DPP6: variants seen among roughly 807,000 people sequenced by gnomAD.
The protein encoded by DPP6 is dipeptidyl peptidase like 6, also known as A-type potassium channel modulatory protein DPP6.
Under a neutral mutation model 122.6 loss-of-function variants are expected in DPP6, and 69 were observed. That is an observed-to-expected ratio of 0.56 (90% CI 0.46 to 0.69). The LOEUF is 0.69. Among genes scored for constraint, DPP6 ranks in the 30% least tolerant of loss-of-function variants. DPP6 has a pLI of 0.00. For missense variants in DPP6, 928 were observed against 1,116.9 expected, an observed-to-expected ratio of 0.83 and a Z score of 2.41; for synonymous variants, 418 against 433.1, an observed-to-expected ratio of 0.97 and a Z score of 0.43.
intron 5 of DPP6, among the ~76,000 whole-genome samples, chr7:154,574,382 GGTGT>G (rs1294590761): frequency 1.4e-5 from 2 of 142,860 alleles, no homozygotes; most frequent in African/African-American, 2.7e-5. Context: ...GTGTGTATGT[GGTGT>G]GTGTATGTGT....
intron 5 of DPP6, among the ~76,000 whole-genome samples, chr7:154,626,208 G>A (rs1486221386): frequency 6.6e-6 from 1 of 152,192 alleles, no homozygotes; most frequent in African/African-American, 2.4e-5. Context: ...AAGATGAGCT[G>A]AAGACACATA....
chr7:153,953,865 C>T (rs1463427262), intron 1 of DPP6, among the ~76,000 whole-genome samples: 2 of 152,216 alleles, frequency 1.3e-5, no homozygotes, highest in Non-Finnish European at 1.5e-5. Flanking sequence ...TTGCTCACCT[C>T]ATGGTGGTGC....
In DPP6 at chr7:154,001,620, C is replaced by T. The variant is rs576815979; in HGVS notation, c.51+113886C>T. On this transcript the variant is annotated intron_variant, in intron 1 of 25. Transcript: ENST00000404039. ...ATTGAGGGTTGTCAAAATGTTAAGG[C>T]ATATTAGGCCATCATGGAGCAAGGT... is the stretch of plus-strand genomic sequence containing the variant. Among the ~76,000 whole-genome samples, 425 of 152,170 alleles carry T rather than the reference C, an allele frequency of 2.8e-3. 4 individuals are homozygous for T. The highest frequency in any genetic ancestry group is 9.6e-3 in the African/African-American group (397 of 41,504).
At position 154,343,158 on chromosome 7, in the gene DPP6, G is replaced by A. The variant is rs114083086; in HGVS notation, c.244-103056G>A. On this transcript the variant is annotated intron_variant, in intron 1 of 25. Coordinates refer to ENST00000377770, the MANE Select transcript of DPP6 (RefSeq NM_130797.4). ...AAAGAGGAAGGGAACTGCTGCTTCC[G>A]TGTTCCCTGAGTGCCTTGTGTCATT... is the stretch of plus-strand genomic sequence containing the variant. 6.7e-3 allele frequency among the ~76,000 whole-genome samples: 1,025 copies of A among 152,320 alleles called. 10 individuals carry two copies. Among genetic ancestry groups the A allele is most frequent in the African/African-American group, 0.023 (948 of 41,572 alleles).
intron 1 of DPP6, among the ~76,000 whole-genome samples, chr7:154,144,577 T>C (rs1442209002): frequency 6.2e-5 from 9 of 145,610 alleles, no homozygotes; most frequent in African/African-American, 2.2e-4. Context: ...GGGGGGAGAG[T>C]CATTCAATGT....
At position 153,978,352 on chromosome 7, in the gene DPP6, C is replaced by T. The variant is rs985929980; in HGVS notation, c.51+90618C>T. Among the ~76,000 whole-genome samples the T allele has an allele frequency of 3.9e-4, 60 of 152,124 alleles. 1 individual carries two copies. Among genetic ancestry groups the T allele is most frequent in the South Asian group, 2.1e-4 (1 of 4,822 alleles). ...TGTTTGTTGGCTGCATAAATGTCTT[C>T]GTTTGAAAAGTGTCTGTTCATATCC... On this transcript the variant is annotated intron_variant, in intron 1 of 25. Coordinates refer to the DPP6 transcript ENST00000404039.
chr7:154,794,046 C>T, intron 10 of DPP6, 33 bp from the exon 11 acceptor site: 1 of 1,603,046 alleles, frequency 6.2e-7, no homozygotes, highest in Non-Finnish European at 8.5e-7. Context: ...GGGGGTCCTG[C>T]CAAGCTGCTC....
At chr7:153,953,470 G>T (rs1436000390) in intron 1 of DPP6, among the ~76,000 whole-genome samples, 1 of 152,160 alleles carries the variant, frequency 6.6e-6, no homozygotes. Flanking sequence ...GCTGTCTGTG[G>T]AATTCATGCA....
chr7:153,964,934 C>CTTTCTT (rs1795593474), intron 1 of DPP6, among the ~76,000 whole-genome samples: 2 of 109,866 alleles, frequency 1.8e-5, no homozygotes, highest in Admixed American at 1.8e-4. Context: ...TTCTTTCTTT[C>CTTTCTT]TTTCTTTTTC....
At chr7:153,844,386 T>A in the DPP6 span, among the ~76,000 whole-genome samples, 3 of 152,156 alleles carry the variant, frequency 2.0e-5, no homozygotes, top group Admixed American at 2.0e-4. Context: ...ATAGCACAAA[T>A]TATACACAGA....
chr7:153,932,568 T>G (rs1438523486), intron 1 of DPP6, among the ~76,000 whole-genome samples: 1 of 152,174 alleles, frequency 6.6e-6, no homozygotes, highest in East Asian at 1.9e-4. Context: ...TCTTCTCTCA[T>G]GTGTGGCAAG....
chr7:154,130,943 A>G lies in DPP6; in HGVS notation c.243+77880A>G, dbSNP rs561835795. Among the ~76,000 whole-genome samples the G allele has an allele frequency of 1.8e-3, 268 of 151,548 alleles. 2 individuals carry two copies. The highest frequency in any genetic ancestry group is 6.2e-3 in the African/African-American group (255 of 40,818). ...TTCAGAAACACATTGCTCATAGAGA[A>G]ATAAGTTTTTGCAGGTGTAGTGAGA... On this transcript the variant is annotated intron_variant, in intron 1 of 25. Coordinates refer to ENST00000377770, the MANE Select transcript of DPP6 (RefSeq NM_130797.4).
At chr7:153,794,945 C>T in the DPP6 span, among the ~76,000 whole-genome samples, 345 of 152,204 alleles carry the variant, frequency 2.3e-3, no homozygotes, top group African/African-American at 7.7e-3. Context: ...CTGAGGCCTC[C>T]CCAGCTATGT....
chr7:154,001,482 G>C (rs1392151673), intron 1 of DPP6, among the ~76,000 whole-genome samples: 1 of 148,454 alleles, frequency 6.7e-6, no homozygotes, highest in African/African-American at 2.5e-5. Context: ...TGGCAGAGTG[G>C]AGTCAGTCAG....
chr7:154,300,106 A>G (rs1362256763), intron 1 of DPP6, among the ~76,000 whole-genome samples: 1 of 152,188 alleles, frequency 6.6e-6, no homozygotes, highest in African/African-American at 2.4e-5. Flanking sequence ...TGCTAATAGA[A>G]TTGGGCAAAA....
chr7:153,813,540 C>T, the DPP6 span, among the ~76,000 whole-genome samples: 63 of 152,238 alleles, frequency 4.1e-4, no homozygotes, highest in East Asian at 7.7e-3. Context: ...GGTATATACC[C>T]AGTAATGGGA....
chr7:154,034,886 T>G (rs1400674452), intron 1 of DPP6, among the ~76,000 whole-genome samples: 2 of 150,890 alleles, frequency 1.3e-5, no homozygotes, highest in African/African-American at 4.9e-5. Flanking sequence ...TTAATTTGTT[T>G]GGCCAGTTTT....
chr7:154,580,534 C>A lies in DPP6; in HGVS notation c.627+13618C>A, dbSNP rs550715322. On this transcript the variant is annotated intron_variant, in intron 5 of 25. Transcript: ENST00000377770. ...CCTCCCTCCAGCGCTGCCGTTAGAG[C>A]CTGAGGGGTCCAAGGGAGTCAGTCT... Among the ~76,000 whole-genome samples, 28 of 152,276 alleles carry A rather than the reference C, an allele frequency of 1.8e-4. No homozygotes were observed. In the South Asian group the frequency reaches 4.4e-3, roughly 24 times the overall value.
chr7:154,065,590 T>C (rs4067518), intron 1 of DPP6, among the ~76,000 whole-genome samples: 13 of 151,604 alleles, frequency 8.6e-5, no homozygotes, highest in East Asian at 1.9e-4. Flanking sequence ...CACCATGGCC[T>C]TAGTACCCCC....
Sources: allele counts gnomAD v4.1 joint callset (sites outside exome capture counted in the v4.1 genomes callset), GRCh38; gene constraint gnomAD v4.1.1; transcripts MANE v1.5; gene names NCBI Gene and HGNC (gene_info 2026-07-23, HGNC 2026-07-21).